Variants in TIAM1 observed in about 807,000 individuals in gnomAD.
TIAM1 encodes TIAM Rac1 associated GEF 1, also known as rho guanine nucleotide exchange factor TIAM1.
Under a neutral mutation model 163.5 loss-of-function variants are expected in TIAM1, and 65 were observed. That is an observed-to-expected ratio of 0.40 (90% CI 0.33 to 0.49). The LOEUF is 0.49. Among genes scored for constraint, TIAM1 ranks in the 20% least tolerant of loss-of-function variants. TIAM1 has a pLI of 0.77. For missense variants in TIAM1, 1,789 were observed against 2,044.7 expected (o/e 0.87, Z 2.41); for synonymous variants, 833 against 810.1 (o/e 1.03, Z -0.48).
At chr21:31,380,369 C>A (rs2076757769) in intron 2 of TIAM1, among the ~76,000 whole-genome samples, 1 of 152,094 alleles carries the variant, frequency 6.6e-6, no homozygotes, top group Non-Finnish European at 1.5e-5. Context: ...CATGGTGAAA[C>A]CCTGTCTCTA....
chr21:31,482,894 G>A (rs775713956), intron 1 of TIAM1, among the ~76,000 whole-genome samples: 14 of 152,210 alleles, frequency 9.2e-5, no homozygotes, highest in Non-Finnish European at 1.6e-4. Flanking sequence ...TTACTGAGTA[G>A]CTACTGTGCC....
At chr21:31,273,929 T>C (rs1237266260) in intron 3 of TIAM1, among the ~76,000 whole-genome samples, 2 of 152,178 alleles carry the variant, frequency 1.3e-5, no homozygotes, top group Non-Finnish European at 2.9e-5. Flanking sequence ...TATTAATACA[T>C]GAGTAAATGC....
chr21:31,388,100 G>A (rs2076906957), intron 2 of TIAM1, among the ~76,000 whole-genome samples: 2 of 147,980 alleles, frequency 1.4e-5, no homozygotes. Flanking sequence ...AAGCCTAGCA[G>A]ACGCCGCAAA....
At chr21:31,384,779 T>C (rs1258156792) in intron 2 of TIAM1, among the ~76,000 whole-genome samples, 2 of 152,204 alleles carry the variant, frequency 1.3e-5, no homozygotes, top group East Asian at 1.9e-4. Flanking sequence ...ATACCACTAA[T>C]GGAACAGGAA....
At chr21:31,322,250 T>G (rs1305281519) in intron 2 of TIAM1, among the ~76,000 whole-genome samples, 1 of 151,982 alleles carries the variant, frequency 6.6e-6, no homozygotes, top group Non-Finnish European at 1.5e-5. Flanking sequence ...TAGCTTGGAG[T>G]CCAGCTTCTC....
At chr21:31,420,578 T>A (rs497143) in intron 2 of TIAM1, among the ~76,000 whole-genome samples, 131,310 of 152,258 alleles carry the variant, frequency 0.86, 57,041 homozygotes, top group African/African-American at 0.96. Flanking sequence ...ATTCATTGAA[T>A]TGACCACCTG....
At chr21:31,329,010 T>C (rs1569227954) in intron 2 of TIAM1, among the ~76,000 whole-genome samples, 1 of 152,202 alleles carries the variant, frequency 6.6e-6, no homozygotes, top group Non-Finnish European at 1.5e-5. Context: ...CTAGCATTTA[T>C]TTTGTTTTAG....
chr21:31,328,545 T>TA (rs201530838), intron 2 of TIAM1, among the ~76,000 whole-genome samples: 19 of 148,248 alleles, frequency 1.3e-4, no homozygotes, highest in African/African-American at 4.5e-4. Flanking sequence ...TTATTATTAT[T>TA]TTTTTTTTTT....
At chr21:31,199,591 C>G (rs1243913292) in intron 12 of TIAM1, among the ~76,000 whole-genome samples, 1 of 150,884 alleles carries the variant, frequency 6.6e-6, no homozygotes, top group Non-Finnish European at 1.5e-5. Flanking sequence ...AGTGCAGTGG[C>G]ACGATATTGG....
intron 1 of TIAM1, among the ~76,000 whole-genome samples, chr21:31,490,274 T>C (rs1213385081): frequency 6.6e-6 from 1 of 152,194 alleles, no homozygotes. Context: ...AGTGGCTTTA[T>C]AAAAAAATTC....
intron 15 of TIAM1, among the ~76,000 whole-genome samples, chr21:31,181,192 C>G (rs116594292): frequency 6.6e-6 from 1 of 152,192 alleles, no homozygotes; most frequent in Non-Finnish European, 1.5e-5. Flanking sequence ...TGTTCCATCA[C>G]TCACTCACTC....
chr21:31,331,406 T>C (rs2075674901), intron 2 of TIAM1, among the ~76,000 whole-genome samples: 1 of 152,188 alleles, frequency 6.6e-6, no homozygotes. Context: ...CCAGCCACAA[T>C]GACTCCCAGG....
chr21:31,207,002 A>C (rs1027476434), intron 11 of TIAM1, among the ~76,000 whole-genome samples: 1 of 152,178 alleles, frequency 6.6e-6, no homozygotes, highest in African/African-American at 2.4e-5. Context: ...CCTTCAAAGT[A>C]ACCTTTTCTT....
At chr21:31,279,032 T>G (rs537636985) in intron 2 of TIAM1, among the ~76,000 whole-genome samples, 4 of 152,294 alleles carry the variant, frequency 2.6e-5, no homozygotes, top group Non-Finnish European at 5.9e-5. Flanking sequence ...CGGAGGCTGA[T>G]AATGCATTTT....
At chr21:31,232,874 G>A (rs1376064146) in intron 6 of TIAM1, among the ~76,000 whole-genome samples, 1 of 151,860 alleles carries the variant, frequency 6.6e-6, no homozygotes, top group Non-Finnish European at 1.5e-5. Flanking sequence ...AGGGAATTCT[G>A]TGATTCTTCC....
chr21:31,515,653 C>T (rs971127562), intron 1 of TIAM1, among the ~76,000 whole-genome samples: 8 of 152,178 alleles, frequency 5.3e-5, no homozygotes, highest in Non-Finnish European at 1.0e-4. Context: ...TGAACCTCCA[C>T]CACCATCTTC....
chr21:31,261,568 C>A (rs2146795054), intron 4 of TIAM1, among the ~76,000 whole-genome samples: 2 of 152,172 alleles, frequency 1.3e-5, no homozygotes, highest in South Asian at 4.2e-4. Context: ...AAAAAATTAG[C>A]CAGGCGCCGT....
chr21:31,186,107 A>G (rs1400915299), intron 14 of TIAM1, among the ~76,000 whole-genome samples: 3 of 152,226 alleles, frequency 2.0e-5, no homozygotes, highest in Non-Finnish European at 2.9e-5. Context: ...AAGACTTTCC[A>G]GGGGTAGAAA....
At chr21:31,255,881 C>T (rs1212635878) in intron 4 of TIAM1, among the ~76,000 whole-genome samples, 1 of 152,182 alleles carries the variant, frequency 6.6e-6, no homozygotes, top group Non-Finnish European at 1.5e-5. Context: ...AGAGGCTCTT[C>T]AATCCTGTTC....
Sources: gnomAD v4.1 joint callset for allele counts (sites outside exome capture counted in the v4.1 genomes callset) on GRCh38, gnomAD v4.1.1 for gene constraint, MANE v1.5 for transcripts, NCBI Gene and HGNC (gene_info 2026-07-23, HGNC 2026-07-21) for gene names.